The following MTUS2 variants were observed in gnomAD, a reference collection of about 807,000 sequenced individuals.
MTUS2 encodes the protein microtubule-associated tumor suppressor candidate 2.
In MTUS2, 40 loss-of-function variants were observed where a neutral mutation model predicts 114.1. The observed-to-expected ratio is 0.35, with a 90% CI of 0.27 to 0.46. The LOEUF (loss-of-function observed/expected upper bound fraction) is 0.46. Among genes scored for constraint, MTUS2 ranks in the 20% least tolerant of loss-of-function variants. The pLI is 1.00. For synonymous variants in MTUS2, 688 were observed against 672.0 expected, an observed-to-expected ratio of 1.02 and a Z score of -0.37; for missense variants, 1,679 against 1,705.4, an observed-to-expected ratio of 0.98 and a Z score of 0.27.
At chr13:29,278,032 G>A (rs1177572068) in intron 5 of MTUS2, among the ~76,000 whole-genome samples, 1 of 152,116 alleles carries the variant, frequency 6.6e-6, no homozygotes, top group African/African-American at 2.4e-5. Context: ...TGGAAACTTG[G>A]CATATAACAG....
chr13:29,287,434 G>A lies in MTUS2; in HGVS notation c.2806+5569G>A, dbSNP rs187963407. Among the ~76,000 whole-genome samples the A allele has an allele frequency of 3.7e-4, 57 of 152,176 alleles. 1 individual carries two copies. The highest frequency in any genetic ancestry group is 7.5e-4 in the African/African-American group (31 of 41,514). ...GTGGAGCACACCCCACACTATTTGC[G>A]TTTTCCATAAAAGAATGCATTTTTG... On this transcript the variant is annotated intron_variant, in intron 6 of 15. Coordinates refer to ENST00000612955, the MANE Select transcript of MTUS2 (RefSeq NM_001033602.4).
intron 5 of MTUS2, among the ~76,000 whole-genome samples, chr13:29,258,954 A>G (rs569478967): frequency 2.0e-5 from 3 of 152,372 alleles, no homozygotes; most frequent in African/African-American, 7.2e-5. Context: ...TCAGATGAAT[A>G]AAGAATCCAG....
At chr13:29,140,868 A>C (rs1318601899) in intron 5 of MTUS2, among the ~76,000 whole-genome samples, 1 of 152,160 alleles carries the variant, frequency 6.6e-6, no homozygotes, top group Non-Finnish European at 1.5e-5. Flanking sequence ...AGCAAAGTAT[A>C]TGCTCATGCT....
intron 4 of MTUS2, among the ~76,000 whole-genome samples, chr13:29,066,856 G>A (rs1356712021): frequency 6.6e-6 from 1 of 152,270 alleles, no homozygotes; most frequent in Non-Finnish European, 1.5e-5. Flanking sequence ...AACCCACTAG[G>A]CTTGGGCAGA....
At chr13:28,910,765 T>C (rs986318068) in intron 2 of MTUS2, among the ~76,000 whole-genome samples, 1 of 151,712 alleles carries the variant, frequency 6.6e-6, no homozygotes, top group East Asian at 1.9e-4. Flanking sequence ...TCACATTTTC[T>C]TTATCCAGTC....
At chr13:29,150,502 T>C (rs776861092) in intron 5 of MTUS2, among the ~76,000 whole-genome samples, 12 of 152,194 alleles carry the variant, frequency 7.9e-5, no homozygotes, top group Admixed American at 3.3e-4. Context: ...CTGTTCACAC[T>C]GTTGATAGTT....
chr13:28,934,181 G>A (rs9550423), intron 2 of MTUS2, among the ~76,000 whole-genome samples: 1,935 of 152,284 alleles, frequency 0.013, 31 homozygotes, highest in African/African-American at 0.041. Flanking sequence ...GACAAATTGC[G>A]TAGTGTAACA....
intron 8 of MTUS2, among the ~76,000 whole-genome samples, chr13:29,380,463 A>G (rs1872117631): frequency 6.6e-6 from 1 of 152,090 alleles, no homozygotes; most frequent in African/African-American, 2.4e-5. Flanking sequence ...CCTCTGCCCT[A>G]CTCATTTCTC....
At chr13:28,933,104 C>T (rs1368072833) in intron 2 of MTUS2, among the ~76,000 whole-genome samples, 1 of 145,450 alleles carries the variant, frequency 6.9e-6, no homozygotes, top group African/African-American at 2.6e-5. Flanking sequence ...AGTGTAGGTT[C>T]TCTGGAGAAT....
At chr13:29,117,020 A>G (rs897823615) in intron 5 of MTUS2, among the ~76,000 whole-genome samples, 1 of 152,178 alleles carries the variant, frequency 6.6e-6, no homozygotes, top group African/African-American at 2.4e-5. Context: ...ATTGCTAGGT[A>G]GGGTTACTTC....
chr13:29,131,574 A>C (rs1175351474), intron 5 of MTUS2, among the ~76,000 whole-genome samples: 1 of 152,240 alleles, frequency 6.6e-6, no homozygotes, highest in Non-Finnish European at 1.5e-5. Flanking sequence ...CTTTTTCCAC[A>C]AGGAAACAGG....
intron 2 of MTUS2, among the ~76,000 whole-genome samples, chr13:28,953,136 T>G (rs1208626405): frequency 2.0e-5 from 3 of 152,200 alleles, no homozygotes. Context: ...TTGGTCTTTT[T>G]GTTCTTGACT....
chr13:29,495,204 A>C (rs952305792), intron 12 of MTUS2, among the ~76,000 whole-genome samples: 2 of 145,764 alleles, frequency 1.4e-5, no homozygotes, highest in Non-Finnish European at 3.0e-5. Flanking sequence ...AAAAAAAAAA[A>C]AACTTAAGTC....
At chr13:29,465,842 T>C (rs1879848552) in intron 9 of MTUS2, among the ~76,000 whole-genome samples, 1 of 152,256 alleles carries the variant, frequency 6.6e-6, no homozygotes, top group South Asian at 2.1e-4. Context: ...GTCGCTTCTC[T>C]AAATGTCCAC....
rs561998482 is a variant in MTUS2, at chr13:28,911,488, T to C, written c.-243+71638T>C. On this transcript the variant is annotated intron_variant, in intron 2 of 15. Coordinates refer to ENST00000612955, the MANE Select transcript of MTUS2 (RefSeq NM_001033602.4). ...CTTGCCCGGTCATATTTTTATAATA[T>C]AATAATATATTTTCCTTTGCGTATA... Among the ~76,000 whole-genome samples the C allele has an allele frequency of 7.9e-5, 12 of 152,234 alleles. No individual in the cohort carries two copies. The East Asian group carries it at 2.3e-3, about 29-fold the overall frequency.
At chr13:29,310,067 C>T (rs1899680915) in intron 6 of MTUS2, among the ~76,000 whole-genome samples, 1 of 152,058 alleles carries the variant, frequency 6.6e-6, no homozygotes. Flanking sequence ...TTGCCTGCAA[C>T]CCCACTACCC....
intron 6 of MTUS2, among the ~76,000 whole-genome samples, chr13:29,311,401 A>G (rs1046046617): frequency 2.0e-5 from 3 of 152,186 alleles, no homozygotes; most frequent in African/African-American, 4.8e-5. Context: ...TAAGTATTGT[A>G]TTTTATAATA....
intron 5 of MTUS2, among the ~76,000 whole-genome samples, chr13:29,218,056 G>A (rs12859370): frequency 0.15 from 22,672 of 151,944 alleles, 1,875 homozygotes; most frequent in East Asian, 0.31. Flanking sequence ...GGTCATGGCT[G>A]CAGTGAGTTA....
intron 5 of MTUS2, among the ~76,000 whole-genome samples, chr13:29,264,024 T>C (rs1249648207): frequency 6.6e-6 from 1 of 152,216 alleles, no homozygotes; most frequent in East Asian, 1.9e-4. Context: ...ACAAGGCACG[T>C]CCCTTCCACT....
Sources: allele counts gnomAD v4.1 joint callset (sites outside exome capture counted in the v4.1 genomes callset), GRCh38; gene constraint gnomAD v4.1.1; transcripts MANE v1.5; gene names NCBI Gene and HGNC (gene_info 2026-07-23, HGNC 2026-07-21).